ACTR3B: variants seen among roughly 807,000 people sequenced by gnomAD.
ACTR3B encodes actin related protein 3B, also known as actin-related protein 3B.
Under a neutral mutation model 59.0 loss-of-function variants are expected in ACTR3B, and 8 were observed. The ratio of observed to expected loss-of-function variants is 0.14; its 90% confidence interval spans 0.08 to 0.24. The LOEUF is 0.24. Ranked by LOEUF, ACTR3B falls within the 10% of genes least tolerant of loss-of-function variation. The pLI, the probability that ACTR3B is intolerant of heterozygous loss-of-function variation, is 1.00. For missense variants in ACTR3B, 245 were observed against 552.3 expected (o/e 0.44, Z 5.58); for synonymous variants, 148 against 197.9 (o/e 0.75, Z 2.12).
intron 2 of ACTR3B, among the ~76,000 whole-genome samples, chr7:152,796,127 G>C (rs2098215865): frequency 6.6e-6 from 1 of 152,194 alleles, no homozygotes; most frequent in Non-Finnish European, 1.5e-5. Context: ...TAACAGGCGT[G>C]AGCCACCGCG....
At chr7:152,830,647 C>T in intron 9 of ACTR3B, among the ~76,000 whole-genome samples, 1 of 152,098 alleles carries the variant, frequency 6.6e-6, no homozygotes, top group Non-Finnish European at 1.5e-5. Context: ...CTCCTGGGCT[C>T]AAGCAGTCCT....
chr7:152,820,880 C>CA (rs1484659298), intron 7 of ACTR3B, among the ~76,000 whole-genome samples: 1 of 152,266 alleles, frequency 6.6e-6, no homozygotes, highest in African/African-American at 2.4e-5. Context: ...CCATAAGCAT[C>CA]TTCTTCCTTT....
chr7:152,809,052 G>A (rs534584304), intron 4 of ACTR3B, among the ~76,000 whole-genome samples: 1 of 151,874 alleles, frequency 6.6e-6, no homozygotes, highest in African/African-American at 2.4e-5. Flanking sequence ...TGTGTTCTGG[G>A]CACTTCACTG....
Position 152,801,814 on chromosome 7 carries a change from G to T in ACTR3B, c.336+83G>T, listed in dbSNP as rs2098237559. ...TAAACTGAAGATATTCTTTTCTAGG[G>T]CGTTTTAAATTTCTTCTAAAGATAT... On this transcript the variant is annotated intron_variant, in intron 4 of 11. Coordinates refer to ENST00000256001, the MANE Select transcript of ACTR3B (RefSeq NM_020445.6). 9.5e-6 allele frequency: 5 copies of T among 523,620 alleles called. No homozygotes were observed. In the South Asian group the frequency reaches 1.1e-4, roughly 11 times the overall value. 32.4% of individuals were successfully genotyped at this position (523,620 alleles called of 1,614,324 possible).
intron 9 of ACTR3B, among the ~76,000 whole-genome samples, chr7:152,837,286 T>A (rs1797540214): frequency 6.6e-6 from 1 of 152,226 alleles, no homozygotes; most frequent in African/African-American, 2.4e-5. Flanking sequence ...TACTTTGAGA[T>A]GAGTTGGAAA....
At chr7:152,760,271 C>T (rs1057077333) in intron 1 of ACTR3B, among the ~76,000 whole-genome samples, 1 of 152,212 alleles carries the variant, frequency 6.6e-6, no homozygotes, top group African/African-American at 2.4e-5. Flanking sequence ...CCCTGAGGGA[C>T]ACCGGGAGCG....
intron 9 of ACTR3B, among the ~76,000 whole-genome samples, chr7:152,828,050 G>A (rs1236662247): frequency 6.6e-6 from 1 of 151,674 alleles, no homozygotes; most frequent in African/African-American, 2.4e-5. Context: ...GAACGACTAG[G>A]AGTGGCTGGG....
chr7:152,803,374 A>G (rs1421245218), intron 4 of ACTR3B, among the ~76,000 whole-genome samples: 3 of 152,210 alleles, frequency 2.0e-5, no homozygotes, highest in African/African-American at 7.2e-5. Context: ...GAGCAAATGG[A>G]GCCAAGAAAC....
intron 1 of ACTR3B, among the ~76,000 whole-genome samples, chr7:152,775,486 C>T (rs13308333): frequency 1.3e-5 from 2 of 151,858 alleles, no homozygotes; most frequent in African/African-American, 4.8e-5. Flanking sequence ...GCAGGCTGGG[C>T]GTGATAGCTC....
chr7:152,853,420 C>G, intron 10 of ACTR3B, 74 bp from the exon 11 acceptor site: 1 of 1,432,396 alleles, frequency 7.0e-7, no homozygotes, highest in South Asian at 1.2e-5. Context: ...CAGCTGTGGT[C>G]TCGTCAGCCG....
intron 2 of ACTR3B, among the ~76,000 whole-genome samples, chr7:152,786,975 T>G (rs2098176877): frequency 6.6e-6 from 1 of 152,220 alleles, no homozygotes; most frequent in Non-Finnish European, 1.5e-5. Context: ...CAGTTCTCTG[T>G]TATATAAAAT....
chr7:152,847,144 G>A (rs1222337933), intron 9 of ACTR3B, among the ~76,000 whole-genome samples: 1 of 122,262 alleles, frequency 8.2e-6, no homozygotes, highest in Non-Finnish European at 1.7e-5. Context: ...TCTAGTGCCC[G>A]GGGCTGCAGT....
chr7:152,848,615 G>A (rs1276566252), intron 9 of ACTR3B, among the ~76,000 whole-genome samples: 1 of 152,156 alleles, frequency 6.6e-6, no homozygotes, highest in Non-Finnish European at 1.5e-5. Flanking sequence ...AATATCATCG[G>A]CCAGCGTGGC....
At chr7:152,790,996 G>A (rs1274995363) in intron 2 of ACTR3B, among the ~76,000 whole-genome samples, 6 of 149,890 alleles carry the variant, frequency 4.0e-5, no homozygotes, top group South Asian at 2.1e-4. Flanking sequence ...TGCAGAGCTT[G>A]TTAGAAAAAA....
chr7:152,838,394 A>G (rs1175859077), intron 9 of ACTR3B, among the ~76,000 whole-genome samples: 2 of 152,260 alleles, frequency 1.3e-5, no homozygotes, highest in African/African-American at 4.8e-5. Context: ...AGGGACGTGG[A>G]TGAAGCTGGA....
rs193153093 is a variant in ACTR3B, at chr7:152,854,922, C to T, written c.*369C>T. 1.1e-3 allele frequency: 187 copies of T among 177,718 alleles called. No homozygotes were observed. Among genetic ancestry groups the T allele is most frequent in the Middle Eastern group, 2.4e-3 (1 of 420 alleles). 11.0% of individuals were successfully genotyped at this position (177,718 alleles called of 1,614,324 possible). A position where few individuals can be genotyped will look rare whatever the true frequency, so the allele number is the denominator to read the frequency against. ...TAGGTCCCAGGAGAGAATGTGGGGG[C>T]GCAAACCCTTTTCCTCCCAGCCTAT... On this transcript the variant is annotated 3_prime_UTR_variant, in exon 12 of 12. Coordinates refer to ENST00000256001, the MANE Select transcript of ACTR3B (RefSeq NM_020445.6). The surrounding 1 kb of genome is among the most constrained non-coding windows in gnomAD (Gnocchi z 4.9).
At chr7:152,789,064 A>AACAAACAGCAAC (rs374527960) in intron 2 of ACTR3B, among the ~76,000 whole-genome samples, 1 of 137,848 alleles carries the variant, frequency 7.3e-6, no homozygotes, top group Non-Finnish European at 1.6e-5. Context: ...CAGCAACAAC[A>AACAAACAGCAAC]AACAACAACA....
chr7:152,781,272 A>G (rs1000273946), intron 1 of ACTR3B, among the ~76,000 whole-genome samples: 12 of 136,760 alleles, frequency 8.8e-5, no homozygotes, highest in Admixed American at 4.0e-4. Flanking sequence ...ATTGTAGGAG[A>G]TGATATCTGT....
chr7:152,819,163 C>T (rs955111043), intron 6 of ACTR3B, among the ~76,000 whole-genome samples: 2 of 152,170 alleles, frequency 1.3e-5, no homozygotes, highest in Admixed American at 6.5e-5. Context: ...AAATACCTTA[C>T]AAATACTTGG....
Sources: allele counts gnomAD v4.1 joint callset (sites outside exome capture counted in the v4.1 genomes callset), GRCh38; gene constraint gnomAD v4.1.1; non-coding constraint Gnocchi (gnomAD v3.1); transcripts MANE v1.5; gene names NCBI Gene and HGNC (gene_info 2026-07-23, HGNC 2026-07-21).